AKAP6: variants seen among roughly 807,000 people sequenced by gnomAD.
The protein encoded by AKAP6 is A-kinase anchor protein 6.
In AKAP6, 58 loss-of-function variants were observed where a neutral mutation model predicts 188.5. The ratio of observed to expected loss-of-function variants is 0.31; its 90% CI spans 0.25 to 0.38. The LOEUF (loss-of-function observed/expected upper bound fraction) is 0.38, where lower values mean the gene tolerates loss of function less well. Among genes scored for constraint, AKAP6 ranks in the 10% least tolerant of loss-of-function variants. AKAP6 has a pLI of 1.00. For missense variants in AKAP6, 2,710 were observed against 2,740.0 expected (o/e 0.99, Z 0.24); for synonymous variants, 989 against 998.6 (o/e 0.99, Z 0.18).
Position 32,594,852 on chromosome 14 carries a change from A to G in AKAP6, c.2470-4558A>G, listed in dbSNP as rs542440742. 7.4e-4 allele frequency among the ~76,000 whole-genome samples: 112 copies of G among 152,292 alleles called. 1 individual carries two copies. The highest frequency in any genetic ancestry group is 3.9e-3 in the South Asian group (19 of 4,824). On this transcript the variant is annotated intron_variant, in intron 5 of 13. Coordinates refer to ENST00000280979, the MANE Select transcript of AKAP6 (RefSeq NM_004274.5). Reference sequence around the variant, plus strand: ...TGTCTTATTCATCAGCATATATACCATCTCTTTAAAATGACAGTGGGAGTA... The same window carrying G: ...TGTCTTATTCATCAGCATATATACCGTCTCTTTAAAATGACAGTGGGAGTA...
intron 1 of AKAP6, among the ~76,000 whole-genome samples, chr14:32,337,657 G>C (rs1380275193): frequency 3.3e-5 from 5 of 151,842 alleles, no homozygotes. Flanking sequence ...GTGCCATGTT[G>C]ATGTGCTGCA....
intron 1 of AKAP6, among the ~76,000 whole-genome samples, chr14:32,344,210 T>C (rs10142935): frequency 0.081 from 12,319 of 152,264 alleles, 1,572 homozygotes; most frequent in African/African-American, 0.27. Context: ...GATCCATCCA[T>C]ACAGTGTTGT....
At chr14:32,611,833 G>A (rs1394890866) in intron 7 of AKAP6, among the ~76,000 whole-genome samples, 1 of 152,112 alleles carries the variant, frequency 6.6e-6, no homozygotes, top group African/African-American at 2.4e-5. Context: ...GATAGTTTCA[G>A]GGACAAGAAA....
intron 2 of AKAP6, among the ~76,000 whole-genome samples, chr14:32,496,196 A>G (rs145794191): frequency 3.9e-5 from 6 of 152,330 alleles, no homozygotes; most frequent in African/African-American, 1.2e-4. Flanking sequence ...GAATGACTTA[A>G]CACATACTTG....
chr14:32,619,139 A>T (rs1376939991), intron 7 of AKAP6, among the ~76,000 whole-genome samples: 1 of 150,128 alleles, frequency 6.7e-6, no homozygotes, highest in African/African-American at 2.5e-5. Context: ...TTGTCTGTTT[A>T]CTCTGATGAT....
chr14:32,742,035 T>C (rs190915920), intron 11 of AKAP6, among the ~76,000 whole-genome samples: 1 of 151,770 alleles, frequency 6.6e-6, no homozygotes, highest in African/African-American at 2.4e-5. Flanking sequence ...TTTTTTATTA[T>C]GGCTTCAATC....
At chr14:32,473,988 C>T (rs1379062620) in intron 2 of AKAP6, 2 of 152,374 alleles carry the variant, frequency 1.3e-5, no homozygotes, top group African/African-American at 4.8e-5. Context: ...GCCTCCACCT[C>T]CTGGGTTCAA....
At chr14:32,596,977 G>A (rs1283591649) in intron 5 of AKAP6, among the ~76,000 whole-genome samples, 1 of 152,084 alleles carries the variant, frequency 6.6e-6, no homozygotes, top group Non-Finnish European at 1.5e-5. Flanking sequence ...TGGTTAATGG[G>A]TGCACCTGAA....
At chr14:32,616,458 T>C (rs1594785146) in intron 7 of AKAP6, among the ~76,000 whole-genome samples, 1 of 152,264 alleles carries the variant, frequency 6.6e-6, no homozygotes, top group East Asian at 1.9e-4. Context: ...TGCAGGAACA[T>C]AGACGGATCT....
chr14:32,427,715 T>C (rs1890082302), intron 1 of AKAP6, among the ~76,000 whole-genome samples: 1 of 152,172 alleles, frequency 6.6e-6, no homozygotes, highest in African/African-American at 2.4e-5. Context: ...TAGACAAAAA[T>C]TGAAACAGGC....
At chr14:32,531,105 C>T (rs1019147870) in intron 2 of AKAP6, among the ~76,000 whole-genome samples, 2 of 152,282 alleles carry the variant, frequency 1.3e-5, no homozygotes, top group Admixed American at 6.5e-5. Flanking sequence ...GTATTCAATA[C>T]ATTTTGGTCT....
intron 2 of AKAP6, among the ~76,000 whole-genome samples, chr14:32,467,417 T>C (rs1172569552): frequency 2.0e-5 from 3 of 152,128 alleles, no homozygotes; most frequent in African/African-American, 7.2e-5. Context: ...ATCCTCTTCT[T>C]TCTGTTTTTG....
chr14:32,780,899 C>A (rs1240981544), intron 12 of AKAP6, among the ~76,000 whole-genome samples: 1 of 151,630 alleles, frequency 6.6e-6, no homozygotes, highest in Non-Finnish European at 1.5e-5. Flanking sequence ...CACTTATATA[C>A]AACTCATGGG....
intron 1 of AKAP6, among the ~76,000 whole-genome samples, chr14:32,331,826 C>T (rs1886543740): frequency 6.6e-6 from 1 of 152,062 alleles, no homozygotes; most frequent in Non-Finnish European, 1.5e-5. Context: ...GTTTATTGGA[C>T]AGAGTTTAGG....
At chr14:32,386,116 A>G (rs1888530430) in intron 1 of AKAP6, among the ~76,000 whole-genome samples, 1 of 151,870 alleles carries the variant, frequency 6.6e-6, no homozygotes, top group Non-Finnish European at 1.5e-5. Context: ...CTCTGGGTAG[A>G]TACCCAGTAG....
intron 2 of AKAP6, among the ~76,000 whole-genome samples, chr14:32,516,325 G>A (rs207474628): frequency 6.6e-6 from 1 of 152,084 alleles, no homozygotes; most frequent in Non-Finnish European, 1.5e-5. Flanking sequence ...CCTTCTGGAT[G>A]GACCTTGAAG....
intron 2 of AKAP6, among the ~76,000 whole-genome samples, chr14:32,488,920 C>T (rs1164690808): frequency 2.0e-5 from 3 of 152,190 alleles, no homozygotes; most frequent in Non-Finnish European, 4.4e-5. Context: ...CTGCGTTGGT[C>T]TTGCTGGGCA....
chr14:32,727,663 G>A (rs1313455000), intron 9 of AKAP6, among the ~76,000 whole-genome samples: 1 of 152,102 alleles, frequency 6.6e-6, no homozygotes, highest in Non-Finnish European at 1.5e-5. Context: ...TGCGAGTTCT[G>A]GCAATTTTAA....
At chr14:32,772,767 G>A (rs1056600913) in intron 11 of AKAP6, among the ~76,000 whole-genome samples, 5 of 152,130 alleles carry the variant, frequency 3.3e-5, no homozygotes, top group Middle Eastern at 3.2e-3. Context: ...TGATTAATAA[G>A]CACTCTGTTA....
Sources: allele counts gnomAD v4.1 joint callset (sites outside exome capture counted in the v4.1 genomes callset), GRCh38; gene constraint gnomAD v4.1.1; transcripts MANE v1.5; gene names NCBI Gene and HGNC (gene_info 2026-07-23, HGNC 2026-07-21).